Variants in KLK2 observed in about 807,000 individuals in gnomAD.
KLK2 encodes kallikrein-2.
Under a neutral mutation model 23.0 loss-of-function variants are expected in KLK2, and 17 were observed. The ratio of observed to expected loss-of-function variants is 0.74; its 90% CI spans 0.51 to 1.11. The LOEUF (loss-of-function observed/expected upper bound fraction) is 1.11, where lower values mean the gene tolerates loss of function less well. Ranked by LOEUF, KLK2 falls within the 50% of genes least tolerant of loss-of-function variation. The pLI is 0.00. For missense variants in KLK2, 330 were observed against 325.9 expected, an observed-to-expected ratio of 1.01 and a Z score of -0.10; for synonymous variants, 140 against 124.7, an observed-to-expected ratio of 1.12 and a Z score of -0.82.
At chr19:50,873,678 A>G in intron 1 of KLK2, 159 bp downstream of exon 1, 2 of 582,170 alleles carry the variant, frequency 3.4e-6, no homozygotes, top group Non-Finnish European at 6.1e-6. Flanking sequence ...TCATGCCCAC[A>G]CTAGGTCCCC....
In KLK2 at chr19:50,876,457, C is replaced by A; in HGVS notation, c.207-15C>A. The stretch of plus-strand genomic sequence containing the variant: ...ATTTTCTCTCTCCTCATGCATCCAC[C>A]CCCTTCCTCCCCAGGAATAGCCAGG... On this transcript the variant is annotated splice_polypyrimidine_tract_variant and intron_variant, in intron 2 of 4. Coordinates refer to ENST00000325321, the MANE Select transcript of KLK2 (RefSeq NM_005551.5). 1 of 1,613,316 alleles carries A rather than the reference C, an allele frequency of 6.2e-7. No homozygotes were observed. The highest frequency in any genetic ancestry group is 8.5e-7 in the Non-Finnish European group (1 of 1,179,448).
Position 50,876,602 on chromosome 19 carries a change from C to A in KLK2, c.337C>A (p.Pro113Thr). The change falls in exon 3 of 5, where the codon CCA becomes ACA. Residue 113 changes from proline to threonine, a missense_variant. Coordinates refer to ENST00000325321, the MANE Select transcript of KLK2 (RefSeq NM_005551.5). Reference sequence around the variant, plus strand: ...CCTTCTGAAGCATCAAAGCCTTAGACCAGATGAAGACTCCAGCCATGACCT... The same window carrying A: ...CCTTCTGAAGCATCAAAGCCTTAGAACAGATGAAGACTCCAGCCATGACCT... ...MSLLKHQSLR[P>T]DEDSSHDLML... 1 of 1,614,224 alleles carries A rather than the reference C, an allele frequency of 6.2e-7. No individual in the cohort carries two copies. Among genetic ancestry groups the A allele is most frequent in the South Asian group, 1.1e-5 (1 of 91,080 alleles).
Position 50,874,737 on chromosome 19 carries a change from C to T in KLK2, c.63C>T (p.Ile21=). 6.2e-7 allele frequency: 1 copy of T among 1,611,688 alleles called. No homozygotes were observed. Among genetic ancestry groups the T allele is most frequent in the Middle Eastern group, 1.9e-4 (1 of 5,318 alleles). Residue 21 remains isoleucine (I), a synonymous_variant, in exon 2 of 5, where the codon ATC becomes ATT. Coordinates refer to ENST00000325321, the MANE Select transcript of KLK2 (RefSeq NM_005551.5). ...SVGCTGAVPL[I]QSRIVGGWEC... ...CCTCCGCAGGTGCCGTGCCCCTCAT[C>T]CAGTCTCGGATTGTGGGAGGCTGGG... is the stretch of plus-strand genomic sequence containing the variant.
intron 1 of KLK2, 116 bp downstream of exon 1, chr19:50,873,635 T>A: frequency 1.4e-6 from 1 of 710,532 alleles, no homozygotes. Context: ...GCCCAGACAA[T>A]GTGCCCCTGA....
intron 4 of KLK2, 146 bp downstream of exon 4, chr19:50,877,154 C>T (rs1452644510): frequency 1.1e-6 from 1 of 949,484 alleles, no homozygotes; most frequent in Non-Finnish European, 1.6e-6. Context: ...ATCTGCCGCC[C>T]TCCTTCCCCC....
chr19:50,876,838 T>C (rs2090294076), intron 3 of KLK2, 34 bp from the exon 4 acceptor site: 3 of 1,611,350 alleles, frequency 1.9e-6, no homozygotes, highest in Middle Eastern at 1.6e-4. Flanking sequence ...CCAGGTGGGG[T>C]CCGGCCACAG....
intron 4 of KLK2, 51 bp downstream of exon 4, chr19:50,877,059 C>CT (rs1350356624): frequency 6.2e-7 from 1 of 1,612,200 alleles, no homozygotes; most frequent in Non-Finnish European, 8.5e-7. Flanking sequence ...AGTGAAGACC[C>CT]TAATTCTGGG....
At chr19:50,874,248 TC>T (rs1384151033) in intron 1 of KLK2, 2 of 154,876 alleles carry the variant, frequency 1.3e-5, no homozygotes, top group African/African-American at 4.8e-5. Flanking sequence ...AAGAAACAAC[TC>T]AGGCAGAACT....
chr19:50,877,209 T>A, intron 4 of KLK2: 1 of 652,402 alleles, frequency 1.5e-6, no homozygotes, highest in South Asian at 1.9e-5. Flanking sequence ...ACAGCATAAT[T>A]CACCCATTCC....
chr19:50,876,257 C>T, intron 2 of KLK2: 1 of 586,446 alleles, frequency 1.7e-6, no homozygotes, highest in Non-Finnish European at 3.0e-6. Flanking sequence ...CTCTTTTCCA[C>T]TTCGTTTCTT....
In KLK2 at chr19:50,878,627, T is replaced by C; in HGVS notation, c.*68T>C. The C allele has an allele frequency of 6.7e-7, 1 of 1,486,960 alleles. No individual in the cohort carries two copies. The highest frequency in any genetic ancestry group is 1.4e-5 in the African/African-American group (1 of 72,468). 92.1% of individuals were successfully genotyped at this position (1,486,960 alleles called of 1,614,324 possible). On this transcript the variant is annotated 3_prime_UTR_variant, in exon 5 of 5. Transcript: ENST00000325321. ...CTCACGTTCTGGCATCACTTGGCCTTTCTGGATGCTGGACACCTGAAGCTT... is the reference window on the plus strand; with the variant it reads ...CTCACGTTCTGGCATCACTTGGCCTCTCTGGATGCTGGACACCTGAAGCTT...
Position 50,878,412 on chromosome 19 carries a change from TG to T in KLK2, c.644del (p.Gly215ValfsTer77). 1 of 1,613,280 alleles carries T rather than the reference TG, an allele frequency of 6.2e-7. No individual in the cohort carries two copies. The highest frequency in any genetic ancestry group is 1.1e-5 in the South Asian group (1 of 91,018). On this transcript the variant is annotated frameshift_variant, in exon 5 of 5. Coordinates refer to ENST00000325321, the MANE Select transcript of KLK2 (RefSeq NM_005551.5). LOFTEE classifies it low-confidence loss of function (END_TRUNC). ...GGKDTCGGDSGGPLVCNGVLQ... is the reference protein window; with the variant it reads ...GGKDTCGGDSXGPLVCNGVLQ... ...TCCTCCTTTACCCTTAGGGTGATTCTGGGGGTCCACTTGTCTGTAATGGTGT... is the reference window on the plus strand; with the variant it reads ...TCCTCCTTTACCCTTAGGGTGATTCTGGGGTCCACTTGTCTGTAATGGTGT...
In KLK2 at chr19:50,878,454, A is replaced by G. The variant is rs1360784488; in HGVS notation, c.681A>G (p.Thr227=). ...LVCNGVLQGI[T]SWGPEPCALP... The stretch of plus-strand genomic sequence containing the variant: ...GTAATGGTGTGCTTCAAGGTATCAC[A>G]TCATGGGGCCCTGAGCCATGTGCCC... The change falls in exon 5 of 5, where the codon ACA becomes ACG. Residue 227 remains threonine (T), a synonymous_variant. Transcript: ENST00000325321. 2 of 1,613,964 alleles carry G rather than the reference A, an allele frequency of 1.2e-6. No homozygotes were observed. Among genetic ancestry groups the G allele is most frequent in the African/African-American group, 2.7e-5 (2 of 74,912 alleles).
intron 2 of KLK2, 140 bp downstream of exon 2, chr19:50,875,020 G>T: frequency 7.1e-7 from 1 of 1,399,126 alleles, no homozygotes; most frequent in Non-Finnish European, 9.3e-7. Flanking sequence ...GTCGCACCCG[G>T]AGGCAGAGCT....
intron 2 of KLK2, 122 bp from the exon 3 acceptor site, chr19:50,876,350 C>T (rs963955516): frequency 2.5e-5 from 21 of 829,774 alleles, no homozygotes; most frequent in African/African-American, 1.9e-4. Flanking sequence ...TATATCTCCC[C>T]GACCCCTGTG....
chr19:50,873,603 C>G, intron 1 of KLK2, 84 bp downstream of exon 1: 1 of 982,442 alleles, frequency 1.0e-6, no homozygotes, highest in Non-Finnish European at 1.5e-6. Flanking sequence ...GCCCCAGCCT[C>G]GTCCCTTCAG....
At chr19:50,877,905 T>C in intron 4 of KLK2, 1 of 180,806 alleles carries the variant, frequency 5.5e-6, no homozygotes, top group South Asian at 1.4e-4. Flanking sequence ...TCCCTCACAG[T>C]CTCCTGGCCC....
At position 50,876,469 on chromosome 19, in the gene KLK2, C is replaced by A; in HGVS notation, c.207-3C>A. On this transcript the variant is annotated splice_polypyrimidine_tract_variant and splice_region_variant and intron_variant, in intron 2 of 4. Transcript: ENST00000325321. ...CTCATGCATCCACCCCCTTCCTCCC[C>A]AGGAATAGCCAGGTCTGGCTGGGTC... The A allele has an allele frequency of 6.2e-7, 1 of 1,613,856 alleles. No individual in the cohort carries two copies. Among genetic ancestry groups the A allele is most frequent in the African/African-American group, 1.3e-5 (1 of 75,022 alleles).
chr19:50,878,299 G>A (rs2090309988), intron 4 of KLK2, 105 bp from the exon 5 acceptor site: 2 of 1,084,088 alleles, frequency 1.8e-6, no homozygotes, highest in Admixed American at 4.3e-5. Flanking sequence ...CTGAGAGCTG[G>A]GAATTGCTCT....
Sources: gnomAD v4.1 joint callset for allele counts on GRCh38, gnomAD v4.1.1 for gene constraint, MANE v1.5 for transcripts, NCBI Gene and HGNC (gene_info 2026-07-23, HGNC 2026-07-21) for gene names.